EDRF1: variants seen among roughly 807,000 people sequenced by gnomAD.
EDRF1 encodes erythroid differentiation-related factor 1.
Under a neutral mutation model 148.7 loss-of-function variants are expected in EDRF1, and 69 were observed. The ratio of observed to expected loss-of-function variants is 0.46; its 90% confidence interval spans 0.38 to 0.57. The LOEUF (loss-of-function observed/expected upper bound fraction) is 0.57, where lower values mean the gene tolerates loss of function less well. Among genes scored for constraint, EDRF1 ranks in the 20% least tolerant of loss-of-function variants. EDRF1 has a pLI of 0.00. For synonymous variants in EDRF1, 515 were observed against 532.8 expected, an observed-to-expected ratio of 0.97 and a Z score of 0.46; for missense variants, 1,118 against 1,478.7, an observed-to-expected ratio of 0.76 and a Z score of 4.00.
chr10:125,726,549 A>T (rs185177376), intron 6 of EDRF1, among the ~76,000 whole-genome samples: 1 of 152,322 alleles, frequency 6.6e-6, no homozygotes, highest in Admixed American at 6.5e-5. Context: ...TGATAAATAG[A>T]TAATAAGATC....
rs367592187 is a variant in EDRF1, at chr10:125,734,030, C to T, written c.1386-42C>T. On this transcript the variant is annotated intron_variant, in intron 11 of 24. Transcript: ENST00000356792. Reference sequence around the variant, plus strand: ...TCCTAGACTTGAGTCTTGCAGACAACGATGAAATGGGCAGTAAAGTTGATA... The same window carrying T: ...TCCTAGACTTGAGTCTTGCAGACAATGATGAAATGGGCAGTAAAGTTGATA... 113 of 1,481,474 alleles carry T rather than the reference C, an allele frequency of 7.6e-5. 4 individuals carry two copies. The highest frequency in any genetic ancestry group is 4.0e-4 in the Admixed American group (24 of 59,660). 91.8% of individuals were successfully genotyped at this position (1,481,474 alleles called of 1,614,324 possible).
chr10:125,727,002 A>G (rs1285957221), intron 6 of EDRF1, among the ~76,000 whole-genome samples: 7 of 151,462 alleles, frequency 4.6e-5, no homozygotes, highest in Admixed American at 4.6e-4. Flanking sequence ...GCATTTACTG[A>G]ATAGCTCTTA....
chr10:125,738,022 A>G (rs377291258), intron 14 of EDRF1, 33 bp downstream of exon 14: 140 of 1,588,036 alleles, frequency 8.8e-5, no homozygotes, highest in Non-Finnish European at 1.1e-4. Flanking sequence ...CTTTTTTCGT[A>G]AAGTTTGTAC....
chr10:125,729,055 C>A lies in EDRF1; in HGVS notation c.845C>A (p.Pro282His), dbSNP rs1848386744. ...SYIVGHVASA[P>H]KEQNLITLFN... The stretch of plus-strand genomic sequence containing the variant: ...ATAGTGGGGCATGTGGCCTCAGCCC[C>A]CAAAGAACAAAACCTGATTACTTTA... The change falls in exon 7 of 25, where the codon CCC becomes CAC. Residue 282 changes from proline (P) to histidine (H), a missense_variant. Physicochemically the swap from Pro to His is moderately conservative, Grantham distance 77 (BLOSUM62 -2). Around this residue, in one of 3 missense-constraint regions of EDRF1, gnomAD observed 954 missense variants for 1,241.4 expected, o/e 0.77. Transcript: ENST00000356792. The A allele has an allele frequency of 6.3e-7, 1 of 1,581,860 alleles. No homozygotes were observed. The highest frequency in any genetic ancestry group is 1.7e-5 in the Admixed American group (1 of 57,670).
At chr10:125,756,629 G>A (rs1210101505) in intron 24 of EDRF1, among the ~76,000 whole-genome samples, 3 of 152,118 alleles carry the variant, frequency 2.0e-5, no homozygotes, top group African/African-American at 7.2e-5. Flanking sequence ...GTACACACAC[G>A]TAGGATTGTG....
chr10:125,748,326 T>C, intron 21 of EDRF1: 1 of 415,632 alleles, frequency 2.4e-6, no homozygotes, highest in South Asian at 2.1e-5. Context: ...CTCAGCTCAG[T>C]AGTCATTAAA....
intron 24 of EDRF1, chr10:125,756,876 G>A: frequency 2.4e-6 from 1 of 420,332 alleles, no homozygotes; most frequent in South Asian, 1.8e-5. Flanking sequence ...GCAGTGGCAT[G>A]ATCATAGCTC....
Position 125,741,700 on chromosome 10 carries a change from A to G in EDRF1, c.2371+499A>G, listed in dbSNP as rs910075293. 2.3e-5 allele frequency: 4 copies of G among 172,048 alleles called. No individual in the cohort carries two copies. In the South Asian group the frequency reaches 5.2e-4, roughly 23 times the overall value. 10.7% of individuals were successfully genotyped at this position (172,048 alleles called of 1,614,324 possible). ...GTCAACTTTTTATTTTATTTTATTT[A>G]TTTATTTTTTTGAGACACAGTCTCG... On this transcript the variant is annotated intron_variant, in intron 17 of 24. Coordinates refer to ENST00000356792, the MANE Select transcript of EDRF1 (RefSeq NM_001202438.2).
intron 2 of EDRF1, 55 bp downstream of exon 2, chr10:125,721,467 TTA>T: frequency 6.7e-7 from 1 of 1,502,460 alleles, no homozygotes; most frequent in Middle Eastern, 1.7e-4. Context: ...CTTAAAACTC[TTA>T]TTTGCTTTTA....
At chr10:125,755,072 A>G (rs956597346) in intron 24 of EDRF1, among the ~76,000 whole-genome samples, 9 of 152,124 alleles carry the variant, frequency 5.9e-5, no homozygotes, top group South Asian at 2.1e-4. Context: ...CCTGCCCCCA[A>G]TTCCTCAGGA....
At chr10:125,749,174 G>C in intron 21 of EDRF1, 1 of 500,752 alleles carries the variant, frequency 2.0e-6, no homozygotes, top group Non-Finnish European at 3.6e-6. Context: ...TTGAGTTCAG[G>C]AGGCGGAGGT....
intron 21 of EDRF1, 194 bp downstream of exon 21, chr10:125,748,206 G>A (rs1032309057): frequency 4.5e-6 from 3 of 663,094 alleles, no homozygotes; most frequent in South Asian, 3.6e-5. Flanking sequence ...TGTGCTCCAT[G>A]TTGAGCATGG....
At chr10:125,750,444 TCTC>T (rs1289901359) in intron 22 of EDRF1, 10 of 152,354 alleles carry the variant, frequency 6.6e-5, no homozygotes, top group African/African-American at 2.2e-4. Context: ...GCTCACCTAT[TCTC>T]CTCTCCCGCA....
In EDRF1 at chr10:125,721,276, C is replaced by T. The variant is rs747344469; in HGVS notation, c.181C>T (p.Arg61Ter). 2 of 1,614,218 alleles carry T rather than the reference C, an allele frequency of 1.2e-6. No individual in the cohort carries two copies. The highest frequency in any genetic ancestry group is 1.1e-5 in the South Asian group (1 of 91,084). ...GGTGAAATACTCTTCTGCCCCTCCT[C>T]GAACAGCATTTGCACGCCTTGAAGA... ...AVVKYSSAPP[R>*]TAFARLEEKT... Residue 61 changes from arginine to a stop codon, truncating the protein, a stop_gained, in exon 2 of 25, where the codon CGA becomes TGA. Coordinates refer to ENST00000356792, the MANE Select transcript of EDRF1 (RefSeq NM_001202438.2). LOFTEE classifies it high-confidence loss of function.
Position 125,734,066 on chromosome 10 carries a change from T to C in EDRF1, c.1386-6T>C, listed in dbSNP as rs1455280863. The C allele has an allele frequency of 1.2e-6, 2 of 1,610,016 alleles. No individual in the cohort carries two copies. Among genetic ancestry groups the C allele is most frequent in the East Asian group, 2.2e-5 (1 of 44,842 alleles). On this transcript the variant is annotated splice_polypyrimidine_tract_variant and splice_region_variant and intron_variant, in intron 11 of 24. Transcript: ENST00000356792. ...GCAGTAAAGTTGATATAAACTCTTT[T>C]TTTAGGGTTGCTTGCAACATGATGA...
chr10:125,756,363 A>G (rs1589875871), intron 24 of EDRF1, among the ~76,000 whole-genome samples: 1 of 152,136 alleles, frequency 6.6e-6, no homozygotes, highest in Non-Finnish European at 1.5e-5. Flanking sequence ...AATATGGTTT[A>G]TCTTGGCACA....
At position 125,741,389 on chromosome 10, in the gene EDRF1, C is replaced by T. The variant is rs775386153; in HGVS notation, c.2371+188C>T. ...CTGGAGTGCAATGGTGCAATCTTGG[C>T]TCACTGAAACCTCCGCCTCCCGGGT... On this transcript the variant is annotated intron_variant, in intron 17 of 24. Transcript: ENST00000356792. 108 of 660,038 alleles carry T rather than the reference C, an allele frequency of 1.6e-4. 1 individual carries two copies. The Admixed American group carries it at 2.1e-3, about 13-fold the overall frequency. The allele number at this position is 660,038 out of a possible 1,614,324, so 40.9% of individuals were successfully genotyped here.
Position 125,721,545 on chromosome 10 carries a change from T to C in EDRF1, c.317+133T>C, listed in dbSNP as rs1236219540. The C allele has an allele frequency of 3.4e-6, 3 of 884,958 alleles. No individual in the cohort carries two copies. In the African/African-American group the frequency reaches 5.0e-5, roughly 15 times the overall value. The allele number at this position is 884,958 out of a possible 1,614,324, so 54.8% of individuals were successfully genotyped here. A position where few individuals can be genotyped will look rare whatever the true frequency, so the allele number is the denominator to read the frequency against. ...TTTAGAGAAAGATCACATTTGATTT[T>C]CAAAGGCTTTTTATTCTGATAATAG... On this transcript the variant is annotated intron_variant, in intron 2 of 24. Coordinates refer to ENST00000356792, the MANE Select transcript of EDRF1 (RefSeq NM_001202438.2).
rs763974184 is a variant in EDRF1, at chr10:125,725,783, C to T, written c.737C>T (p.Pro246Leu). 1 of 1,614,020 alleles carries T rather than the reference C, an allele frequency of 6.2e-7. No homozygotes were observed. The highest frequency in any genetic ancestry group is 1.1e-5 in the South Asian group (1 of 91,056). The change falls in exon 6 of 25, where the codon CCT becomes CTT. Residue 246 changes from proline to leucine, a missense_variant. Physicochemically the swap from Pro to Leu is moderately conservative, Grantham distance 98 (BLOSUM62 -3). Around this residue, in one of 3 missense-constraint regions of EDRF1, gnomAD observed 954 missense variants for 1,241.4 expected, o/e 0.77. Transcript: ENST00000356792. Reference sequence around the variant, plus strand: ...AATGATTCGGAAGGGGCTTCATGGCCTGCTCCCTTCGAAATGCCTTCTTCA... The same window carrying T: ...AATGATTCGGAAGGGGCTTCATGGCTTGCTCCCTTCGAAATGCCTTCTTCA... ...QTNDSEGASW[P>L]APFEMPSSVS... is the part of the protein sequence containing the mutation.
Sources: allele counts gnomAD v4.1 joint callset (sites outside exome capture counted in the v4.1 genomes callset), GRCh38; gene constraint gnomAD v4.1.1; regional missense constraint gnomAD v4.1.1; transcripts MANE v1.5; gene names NCBI Gene and HGNC (gene_info 2026-07-23, HGNC 2026-07-21).